Variants in IPO8 observed in about 807,000 individuals in gnomAD.
IPO8 encodes the protein importin 8, also known as importin-8.
Under a neutral mutation model 141.2 loss-of-function variants are expected in IPO8, and 65 were observed. That is an observed-to-expected ratio of 0.46 (90% CI 0.38 to 0.57). The LOEUF (loss-of-function observed/expected upper bound fraction) is 0.57. Among genes scored for constraint, IPO8 ranks in the 20% least tolerant of loss-of-function variants. The pLI is 0.00. For missense variants in IPO8, 980 were observed against 1,246.8 expected (o/e 0.79, Z 3.22); for synonymous variants, 411 against 420.3 (o/e 0.98, Z 0.27).
At chr12:30,669,314 A>C in intron 9 of IPO8, 32 bp from the exon 10 acceptor site, 11 of 1,038,640 alleles carry the variant, frequency 1.1e-5, no homozygotes, top group Non-Finnish European at 1.5e-5. Context: ...AACGTAACAA[A>C]TGGGTATAGG....
intron 2 of IPO8, 68 bp from the exon 3 acceptor site, chr12:30,684,525 C>T: frequency 6.8e-7 from 1 of 1,479,562 alleles, no homozygotes; most frequent in Non-Finnish European, 9.3e-7. Context: ...CCTTACAGAG[C>T]ATGAAAGTCC....
intron 17 of IPO8, among the ~76,000 whole-genome samples, chr12:30,654,864 AATT>A (rs2052777259): frequency 6.6e-6 from 1 of 152,132 alleles, no homozygotes; most frequent in African/African-American, 2.4e-5. Context: ...TATCCAAAGG[AATT>A]AAAATCAGGA....
At chr12:30,693,806 G>A (rs1268041439) in intron 1 of IPO8, among the ~76,000 whole-genome samples, 1 of 152,184 alleles carries the variant, frequency 6.6e-6, no homozygotes, top group African/African-American at 2.4e-5. Context: ...CACGGTCTGT[G>A]ATGAGGTGGG....
chr12:30,638,960 C>T lies in IPO8; in HGVS notation c.2489+555G>A, dbSNP rs7980552. 9.4e-3 allele frequency among the ~76,000 whole-genome samples: 1,434 copies of T among 152,184 alleles called. 17 individuals are homozygous for T. The highest frequency in any genetic ancestry group is 0.033 in the African/African-American group (1,364 of 41,534). ...TGCTGGGATTACAGATGGGAGCCAC[C>T]GCGCCCGGCCTCACTCTTCCTATTT... On this transcript the variant is annotated intron_variant, in intron 21 of 24. Coordinates refer to ENST00000256079, the MANE Select transcript of IPO8 (RefSeq NM_006390.4).
chr12:30,665,894 T>C (rs748003279), intron 11 of IPO8, 49 bp from the exon 12 acceptor site: 6 of 1,226,362 alleles, frequency 4.9e-6, no homozygotes, highest in African/African-American at 1.5e-5. Context: ...TTCATTGTCT[T>C]ACTATAGTAT....
intron 16 of IPO8, among the ~76,000 whole-genome samples, chr12:30,658,599 A>G (rs1055802115): frequency 1.3e-5 from 2 of 152,212 alleles, no homozygotes; most frequent in African/African-American, 2.4e-5. Flanking sequence ...TTTGTTTTTA[A>G]ACTACCCCTG....
In IPO8 at chr12:30,629,405, A is replaced by G. The variant is rs2052400326; in HGVS notation, c.*1455T>C. On this transcript the variant is annotated 3_prime_UTR_variant, in exon 25 of 25. Coordinates refer to ENST00000256079, the MANE Select transcript of IPO8 (RefSeq NM_006390.4). ...AGGGGGTCACTGAACTCCAAAACTCATGGTTTTCCAGGCTACTTCTATAGA... is the reference window on the plus strand; with the variant it reads ...AGGGGGTCACTGAACTCCAAAACTCGTGGTTTTCCAGGCTACTTCTATAGA... The G allele has an allele frequency of 6.6e-6, 1 of 152,204 alleles. No individual in the cohort carries two copies. The highest frequency in any genetic ancestry group is 6.5e-5 in the Admixed American group (1 of 15,274). 9.4% of individuals were successfully genotyped at this position (152,204 alleles called of 1,614,324 possible).
At chr12:30,639,757 G>C in intron 20 of IPO8, 22 bp from the exon 21 acceptor site, 1 of 1,579,126 alleles carries the variant, frequency 6.3e-7, no homozygotes, top group Non-Finnish European at 8.7e-7. Flanking sequence ...GCAAAAGAAA[G>C]TCAACCACAC....
intron 13 of IPO8, among the ~76,000 whole-genome samples, chr12:30,664,164 C>T (rs1300032019): frequency 6.6e-6 from 1 of 152,098 alleles, no homozygotes; most frequent in African/African-American, 2.4e-5. Flanking sequence ...CTGTGTGCAT[C>T]AAACACAATC....
intron 12 of IPO8, 32 bp downstream of exon 12, chr12:30,665,697 T>C: frequency 7.4e-7 from 1 of 1,344,108 alleles, no homozygotes; most frequent in Non-Finnish European, 1.1e-6. Context: ...TTTACAATGT[T>C]ATTAAGTAAA....
intron 5 of IPO8, among the ~76,000 whole-genome samples, chr12:30,678,001 T>C (rs2083251): frequency 0.027 from 4,156 of 151,384 alleles, 72 homozygotes; most frequent in South Asian, 0.03. Flanking sequence ...CCAGGCATGG[T>C]GGCAGGCGCC....
At chr12:30,664,258 T>C (rs1195100716) in intron 13 of IPO8, among the ~76,000 whole-genome samples, 2 of 152,176 alleles carry the variant, frequency 1.3e-5, no homozygotes, top group Non-Finnish European at 2.9e-5. Context: ...AGCCCCACTG[T>C]AAAAATGCTC....
intron 20 of IPO8, among the ~76,000 whole-genome samples, chr12:30,640,900 G>T (rs962179756): frequency 2.0e-5 from 3 of 152,068 alleles, no homozygotes; most frequent in African/African-American, 7.2e-5. Flanking sequence ...TGAGACAATG[G>T]ATATGCTAAT....
chr12:30,642,470 T>C (rs2052587752), intron 20 of IPO8, among the ~76,000 whole-genome samples: 1 of 152,098 alleles, frequency 6.6e-6, no homozygotes, highest in Non-Finnish European at 1.5e-5. Flanking sequence ...ATTAATGTTT[T>C]ATTGACTAAA....
intron 20 of IPO8, among the ~76,000 whole-genome samples, chr12:30,641,909 G>C (rs541776781): frequency 6.6e-6 from 1 of 152,204 alleles, no homozygotes; most frequent in East Asian, 1.9e-4. Context: ...AAATACCTGT[G>C]TGTGGCCAGG....
chr12:30,663,227 A>G (rs1314977211), intron 14 of IPO8, among the ~76,000 whole-genome samples: 2 of 152,134 alleles, frequency 1.3e-5, no homozygotes, highest in Non-Finnish European at 2.9e-5. Flanking sequence ...TAGGAGCAAA[A>G]TCAAAACTGG....
Position 30,629,493 on chromosome 12 carries a change from C to A in IPO8, c.*1367G>T, listed in dbSNP as rs1252657220. On this transcript the variant is annotated 3_prime_UTR_variant, in exon 25 of 25. Coordinates refer to ENST00000256079, the MANE Select transcript of IPO8 (RefSeq NM_006390.4). ...TGAGGGATGGTAATATAGGAAGCACCTGAAAAAAATTCCTCCAGTCACTGA... is the reference window on the plus strand; with the variant it reads ...TGAGGGATGGTAATATAGGAAGCACATGAAAAAAATTCCTCCAGTCACTGA... The A allele has an allele frequency of 6.6e-6, 1 of 152,050 alleles. No homozygotes were observed. The highest frequency in any genetic ancestry group is 1.5e-5 in the Non-Finnish European group (1 of 68,008). The allele number at this position is 152,050 out of a possible 1,614,324, so 9.4% of individuals were successfully genotyped here.
Position 30,695,651 on chromosome 12 carries a change from C to T in IPO8, c.-4G>A. 1 of 1,613,312 alleles carries T rather than the reference C, an allele frequency of 6.2e-7. No homozygotes were observed. The highest frequency in any genetic ancestry group is 8.5e-7 in the Non-Finnish European group (1 of 1,179,354). On this transcript the variant is annotated 5_prime_UTR_variant, in exon 1 of 25. Coordinates refer to ENST00000256079, the MANE Select transcript of IPO8 (RefSeq NM_006390.4). The surrounding 1 kb of genome is among the most constrained non-coding windows in gnomAD (Gnocchi z 4.2). ...GGATGATCCGGTTGAGGTCCATCTCCCCGGGTGGGGGCTCCGCGGCCCCCG... is the reference window on the plus strand; with the variant it reads ...GGATGATCCGGTTGAGGTCCATCTCTCCGGGTGGGGGCTCCGCGGCCCCCG...
Position 30,636,992 on chromosome 12 carries a change from C to T in IPO8, c.2685G>A (p.Met895Ile). 1 of 1,613,370 alleles carries T rather than the reference C, an allele frequency of 6.2e-7. No individual in the cohort carries two copies. The highest frequency in any genetic ancestry group is 8.5e-7 in the Non-Finnish European group (1 of 1,179,432). Residue 895 changes from methionine (M) to isoleucine (I), a missense_variant, in exon 22 of 25, where the codon ATG becomes ATA. This residue lies in a region of IPO8 where 924 missense variants were observed against 1,153.9 expected (regional missense o/e 0.80). Coordinates refer to ENST00000256079, the MANE Select transcript of IPO8 (RefSeq NM_006390.4). ...ATTAGAAGACTTTACCATTTTCTTC[C>T]ATATCAGCTTTCTCTGCTTTTGAAC... ...EDRSKAEKAD[M>I]EENEEISSDE... is the part of the protein sequence containing the mutation.
Sources: allele counts gnomAD v4.1 joint callset (sites outside exome capture counted in the v4.1 genomes callset), GRCh38; gene constraint gnomAD v4.1.1; regional missense constraint gnomAD v4.1.1; non-coding constraint Gnocchi (gnomAD v3.1); transcripts MANE v1.5; gene names NCBI Gene and HGNC (gene_info 2026-07-23, HGNC 2026-07-21).